The following KNSTRN variants were observed in gnomAD, a reference collection of about 807,000 sequenced individuals.
KNSTRN encodes the protein kinetochore localized astrin (SPAG5) binding protein.
A neutral mutation model predicts 44.7 loss-of-function variants in KNSTRN; 38 were observed. The observed-to-expected ratio is 0.85, with a 90% CI of 0.66 to 1.11. The LOEUF (loss-of-function observed/expected upper bound fraction) is 1.11. Ranked by LOEUF, KNSTRN falls within the 50% of genes most tolerant of loss-of-function variation. The probability of loss-of-function intolerance (pLI) is 0.00; values close to 1 mark genes in which losing one functional copy is unlikely to be tolerated. For missense variants in KNSTRN, 406 were observed against 375.8 expected (o/e 1.08, Z -0.66); for synonymous variants, 158 against 148.1 (o/e 1.07, Z -0.48).
intron 8 of KNSTRN, among the ~76,000 whole-genome samples, chr15:40,392,296 C>T (rs370817075): frequency 2.0e-5 from 3 of 152,062 alleles, no homozygotes; most frequent in East Asian, 3.9e-4. Context: ...ATCCCATCAC[C>T]TAGGTATTGA....
At chr15:40,387,518 A>G (rs768358826) in intron 4 of KNSTRN, among the ~76,000 whole-genome samples, 1 of 152,118 alleles carries the variant, frequency 6.6e-6, no homozygotes, top group Non-Finnish European at 1.5e-5. Context: ...CAGGAGAGGA[A>G]GGGCTGGGTG....
intron 4 of KNSTRN, 101 bp downstream of exon 4, chr15:40,387,307 AG>A (rs1260110064): frequency 3.0e-6 from 3 of 1,012,752 alleles, no homozygotes; most frequent in Non-Finnish European, 4.7e-6. Context: ...TTACTGTGTT[AG>A]GGTCTGGGTT....
rs1889847696 is a variant in KNSTRN, at chr15:40,383,336, C to G, written c.304+14C>G. Reference sequence around the variant, plus strand: ...GCCAGCCGGCAGGTGAGGGTCCAAGCCACGCCCGGGGCACTGCGGCCTGGC... The same window carrying G: ...GCCAGCCGGCAGGTGAGGGTCCAAGGCACGCCCGGGGCACTGCGGCCTGGC... On this transcript the variant is annotated intron_variant, in intron 2 of 8. Transcript: ENST00000249776. 1 of 1,599,348 alleles carries G rather than the reference C, an allele frequency of 6.3e-7. No individual in the cohort carries two copies. The highest frequency in any genetic ancestry group is 2.2e-5 in the East Asian group (1 of 44,662).
rs765021335 is a variant in KNSTRN, at chr15:40,394,169, C to T, written c.*572C>T. ...AGGTAGCAGTAACACCTACATGAAA[C>T]AATACACCTTGGATCTTTTAATCTA... On this transcript the variant is annotated 3_prime_UTR_variant, in exon 9 of 9. Transcript: ENST00000249776. The T allele has an allele frequency of 1.3e-5, 2 of 152,190 alleles. No individual in the cohort carries two copies. The highest frequency in any genetic ancestry group is 2.4e-5 in the African/African-American group (1 of 41,424). The allele number at this position is 152,190 out of a possible 1,614,324, so 9.4% of individuals were successfully genotyped here. A position where few individuals can be genotyped will look rare whatever the true frequency, so the allele number is the denominator to read the frequency against.
At chr15:40,392,333 T>C (rs1890014937) in intron 8 of KNSTRN, among the ~76,000 whole-genome samples, 2 of 152,112 alleles carry the variant, frequency 1.3e-5, no homozygotes, top group Non-Finnish European at 2.9e-5. Flanking sequence ...CTATTCTTCT[T>C]GATGCACTTC....
At chr15:40,383,083 A>T in intron 1 of KNSTRN, 39 bp downstream of exon 1, 1 of 1,602,878 alleles carries the variant, frequency 6.2e-7, no homozygotes, top group South Asian at 1.1e-5. Context: ...GCTGGATGGG[A>T]GGAAGGACGG....
intron 7 of KNSTRN, 70 bp downstream of exon 7, chr15:40,391,624 C>G: frequency 7.9e-7 from 1 of 1,270,080 alleles, no homozygotes; most frequent in South Asian, 1.2e-5. Flanking sequence ...AAGAAGGTCT[C>G]TGCTATATAT....
At chr15:40,385,935 C>T (rs1252601630) in intron 2 of KNSTRN, among the ~76,000 whole-genome samples, 2 of 152,214 alleles carry the variant, frequency 1.3e-5, no homozygotes, top group African/African-American at 2.4e-5. Context: ...TTAATCTTCA[C>T]ATGTTGAAAT....
At position 40,393,804 on chromosome 15, in the gene KNSTRN, G is replaced by C; in HGVS notation, c.*207G>C. ...AACCTTCAGGTTGGTCAGCCCTCCT[G>C]AGCCTCACAGGTGGATAATTGAGGC... On this transcript the variant is annotated 3_prime_UTR_variant, in exon 9 of 9. Transcript: ENST00000249776. 2.4e-6 allele frequency: 1 copy of C among 414,292 alleles called. No individual in the cohort carries two copies. Among genetic ancestry groups the C allele is most frequent in the South Asian group, 2.6e-5 (1 of 39,124 alleles). The allele number at this position is 414,292 out of a possible 1,614,324, so 25.7% of individuals were successfully genotyped here.
At chr15:40,389,683 C>A (rs568432922) in intron 5 of KNSTRN, 72 bp downstream of exon 5, 34 of 1,323,804 alleles carry the variant, frequency 2.6e-5, no homozygotes, top group Non-Finnish European at 3.4e-5. Flanking sequence ...TGGGTGGCCC[C>A]TTGGATGAGC....
rs560214452 is a variant in KNSTRN at position 40,384,600 on chromosome 15, G to A, written c.304+1278G>A. The stretch of plus-strand genomic sequence containing the variant: ...GTGACTAGCTCTCTCAGCCAAGTTG[G>A]AAGTGTTCATCTCTTTGATTTCTAT... On this transcript the variant is annotated intron_variant, in intron 2 of 8. Transcript: ENST00000249776. The A allele has an allele frequency of 3.4e-4, 139 of 410,792 alleles. No individual in the cohort carries two copies. In the Admixed American group the frequency reaches 3.9e-3, roughly 11 times the overall value. 25.4% of individuals were successfully genotyped at this position (410,792 alleles called of 1,614,324 possible).
intron 2 of KNSTRN, among the ~76,000 whole-genome samples, chr15:40,383,711 G>A (rs569151599): frequency 2.0e-5 from 3 of 152,302 alleles, no homozygotes; most frequent in South Asian, 4.1e-4. Context: ...TGAGAAGTGG[G>A]ATACTTAGGG....
At chr15:40,387,117 A>ACTGTTAAGTGTG in intron 3 of KNSTRN, 42 bp from the exon 4 acceptor site, 2 of 1,440,742 alleles carry the variant, frequency 1.4e-6, no homozygotes, top group Non-Finnish European at 2.0e-6. Flanking sequence ...ACTTAACAGT[A>ACTGTTAAGTGTG]CTGTAAGTCT....
intron 2 of KNSTRN, chr15:40,384,236 T>C (rs548405914): frequency 7.1e-6 from 2 of 281,226 alleles, no homozygotes; most frequent in Admixed American, 4.9e-5. Context: ...TAGCCGGGCG[T>C]GGTGGCGGGC....
At chr15:40,392,206 T>A (rs1487572451) in intron 8 of KNSTRN, among the ~76,000 whole-genome samples, 183 bp downstream of exon 8, 1 of 152,090 alleles carries the variant, frequency 6.6e-6, no homozygotes, top group Non-Finnish European at 1.5e-5. Context: ...TTCCAACTTT[T>A]AAGTTCAGGG....
intron 4 of KNSTRN, among the ~76,000 whole-genome samples, chr15:40,388,466 C>T (rs532586993): frequency 2.1e-4 from 32 of 152,176 alleles, no homozygotes; most frequent in African/African-American, 7.2e-4. Flanking sequence ...TTTGGGAGGC[C>T]GAGGCGGGTG....
In KNSTRN at chr15:40,382,848, G is replaced by C. The variant is rs764271025; in HGVS notation, c.13G>C (p.Glu5Gln). 6.4e-5 allele frequency: 102 copies of C among 1,601,926 alleles called. No individual in the cohort carries two copies. The highest frequency in any genetic ancestry group is 4.5e-4 in the Middle Eastern group (2 of 4,432). The change falls in exon 1 of 9, where the codon GAA (glutamate) becomes CAA (glutamine). Residue 5 changes from glutamate (E) to glutamine (Q), a missense_variant. By Grantham distance (29) the Glu-to-Gln change is conservative (BLOSUM62 2). Transcript: ENST00000249776. MAAP[E>Q]APPLDRVFRT... ...CCTTCCGTACAGTATGGCGGCTCCCGAAGCCCCGCCCCTGGACAGAGTTTT... is the reference window on the plus strand; with the variant it reads ...CCTTCCGTACAGTATGGCGGCTCCCCAAGCCCCGCCCCTGGACAGAGTTTT...
rs575738800 is a variant in KNSTRN, at chr15:40,388,406, A to G, written c.486-1100A>G. On this transcript the variant is annotated intron_variant, in intron 4 of 8. Transcript: ENST00000249776. ...TGCTCATGCTATTGTTTGTGGCTTA[A>G]GAATGCCTTTAAGGGCCGGCGCAGT... Among the ~76,000 whole-genome samples the G allele has an allele frequency of 6.6e-5, 10 of 152,370 alleles. No individual in the cohort carries two copies. The East Asian group carries it at 1.9e-3, about 29-fold the overall frequency.
intron 4 of KNSTRN, among the ~76,000 whole-genome samples, chr15:40,387,759 A>G (rs941516377): frequency 3.9e-5 from 6 of 152,258 alleles, no homozygotes; most frequent in African/African-American, 9.6e-5. Context: ...TGTAATCGCA[A>G]CACTTTGGGA....
Sources: allele counts gnomAD v4.1 joint callset (sites outside exome capture counted in the v4.1 genomes callset), GRCh38; gene constraint gnomAD v4.1.1; transcripts MANE v1.5; gene names NCBI Gene and HGNC (gene_info 2026-07-23, HGNC 2026-07-21).